Variants in KIF21A observed in about 807,000 individuals in gnomAD.
The protein encoded by KIF21A is kinesin family member 21A, also known as kinesin-like protein KIF21A.
A neutral mutation model predicts 202.9 loss-of-function variants in KIF21A; 114 were observed. The observed-to-expected ratio is 0.56, with a 90% CI of 0.48 to 0.66. The LOEUF (loss-of-function observed/expected upper bound fraction) is 0.66, where lower values mean the gene tolerates loss of function less well. Ranked by LOEUF, KIF21A falls within the 30% of genes least tolerant of loss-of-function variation. The probability of loss-of-function intolerance (pLI) is 0.00; values close to 1 mark genes in which losing one functional copy is unlikely to be tolerated. For synonymous variants in KIF21A, 667 were observed against 670.8 expected, an observed-to-expected ratio of 0.99 and a Z score of 0.09; for missense variants, 1,677 against 1,994.9, an observed-to-expected ratio of 0.84 and a Z score of 3.04.
At chr12:39,316,376 A>G (rs1944546030) in intron 29 of KIF21A, among the ~76,000 whole-genome samples, 1 of 152,096 alleles carries the variant, frequency 6.6e-6, no homozygotes, top group Non-Finnish European at 1.5e-5. Context: ...CTTGATAATT[A>G]TCACTTTAGA....
Position 39,330,234 on chromosome 12 carries a change from A to G in KIF21A, c.3340+8T>C, listed in dbSNP as rs1398020918. ...CTGTAGGATACACAGAAAGCTAAAC[A>G]TACTTACCTAATGGTACGCTATCTA... is the stretch of plus-strand genomic sequence containing the variant. On this transcript the variant is annotated splice_region_variant and intron_variant, in intron 24 of 37. Transcript: ENST00000361418. 1.9e-6 allele frequency: 3 copies of G among 1,610,656 alleles called. No individual in the cohort carries two copies. The South Asian group carries it at 3.3e-5, about 18-fold the overall frequency.
intron 10 of KIF21A, among the ~76,000 whole-genome samples, chr12:39,355,079 C>G (rs1197755192): frequency 6.6e-6 from 1 of 152,050 alleles, no homozygotes; most frequent in Non-Finnish European, 1.5e-5. Context: ...GTGGGACACA[C>G]CTAATTAAAG....
At chr12:39,361,801 C>A (rs1042474397) in intron 7 of KIF21A, among the ~76,000 whole-genome samples, 1 of 151,922 alleles carries the variant, frequency 6.6e-6, no homozygotes, top group African/African-American at 2.4e-5. Context: ...CCACTGCGCC[C>A]GGCCAAAACA....
At position 39,369,792 on chromosome 12, in the gene KIF21A, T is replaced by G. The variant is rs781230981; in HGVS notation, c.387A>C (p.Lys129Asn). ...KHLFKSIEEK[K>N]HIAIKNGLPA... ...GAAGCCCATTTTTAATTGCTATGTG[T>G]TTTTTTTCTTCAATACTCTTAAAAA... The change falls in exon 3 of 38, where the codon AAA (lysine) becomes AAC (asparagine). Residue 129 changes from lysine (K) to asparagine (N), a missense_variant. Coordinates refer to ENST00000361418, the MANE Select transcript of KIF21A (RefSeq NM_001173464.2). The G allele has an allele frequency of 8.1e-6, 13 of 1,612,072 alleles. No individual in the cohort carries two copies. Among genetic ancestry groups the G allele is most frequent in the Non-Finnish European group, 1.1e-5 (13 of 1,178,810 alleles).
At chr12:39,412,270 C>T (rs1240406648) in intron 1 of KIF21A, among the ~76,000 whole-genome samples, 1 of 152,118 alleles carries the variant, frequency 6.6e-6, no homozygotes, top group African/African-American at 2.4e-5. Flanking sequence ...CACATGGCAA[C>T]ATGATGTTTC....
intron 1 of KIF21A, among the ~76,000 whole-genome samples, chr12:39,386,059 A>C (rs1239774040): frequency 6.6e-6 from 1 of 152,090 alleles, no homozygotes; most frequent in Non-Finnish European, 1.5e-5. Context: ...TATGTATCCT[A>C]TGTTTTGTGG....
intron 10 of KIF21A, among the ~76,000 whole-genome samples, chr12:39,354,512 A>G (rs1054211585): frequency 2.6e-5 from 4 of 152,164 alleles, no homozygotes; most frequent in Non-Finnish European, 5.9e-5. Context: ...ATGCCCCAAA[A>G]AACACAAGGA....
At chr12:39,365,330 G>T (rs977007881) in intron 6 of KIF21A, among the ~76,000 whole-genome samples, 1 of 152,338 alleles carries the variant, frequency 6.6e-6, no homozygotes, top group South Asian at 2.1e-4. Context: ...TATCTGGGCA[G>T]CAGGCAAAAA....
chr12:39,373,574 G>C (rs901352982), intron 1 of KIF21A, among the ~76,000 whole-genome samples: 5 of 151,950 alleles, frequency 3.3e-5, no homozygotes, highest in African/African-American at 2.4e-5. Flanking sequence ...AATAATAAAC[G>C]CAACACTCTA....
intron 15 of KIF21A, 78 bp from the exon 16 acceptor site, chr12:39,340,442 C>G: frequency 1.8e-6 from 2 of 1,103,780 alleles, no homozygotes; most frequent in Non-Finnish European, 2.6e-6. Flanking sequence ...AGTCCATATC[C>G]TAAGAGAAGA....
chr12:39,329,751 T>A (rs1307072677), intron 24 of KIF21A, among the ~76,000 whole-genome samples: 1 of 152,134 alleles, frequency 6.6e-6, no homozygotes, highest in African/African-American at 2.4e-5. Context: ...TCAGGTAAAA[T>A]CCTTTGGATA....
At chr12:39,334,727 G>A (rs1946814456) in intron 17 of KIF21A, among the ~76,000 whole-genome samples, 1 of 152,102 alleles carries the variant, frequency 6.6e-6, no homozygotes, top group Non-Finnish European at 1.5e-5. Flanking sequence ...TTTAAAAGGA[G>A]GTCAATATGT....
intron 1 of KIF21A, among the ~76,000 whole-genome samples, chr12:39,377,739 T>C (rs902630014): frequency 2.0e-5 from 3 of 152,178 alleles, no homozygotes; most frequent in Non-Finnish European, 4.4e-5. Flanking sequence ...AAAGAGATTA[T>C]TAATTGAGTG....
chr12:39,337,774 A>G (rs1947104498), intron 16 of KIF21A, among the ~76,000 whole-genome samples: 1 of 152,204 alleles, frequency 6.6e-6, no homozygotes, highest in African/African-American at 2.4e-5. Flanking sequence ...GTTTCATAAG[A>G]TTATAGTGGA....
intron 37 of KIF21A, among the ~76,000 whole-genome samples, chr12:39,296,831 G>T (rs938661611): frequency 2.6e-5 from 4 of 152,222 alleles, no homozygotes; most frequent in Non-Finnish European, 1.5e-5. Flanking sequence ...ATCAAGTATG[G>T]ACTCAACTCT....
intron 37 of KIF21A, among the ~76,000 whole-genome samples, chr12:39,295,340 G>T (rs957674167): frequency 2.8e-4 from 43 of 152,138 alleles, no homozygotes; most frequent in African/African-American, 1.0e-3. Context: ...CATGGTTAAA[G>T]AAATGTTTCT....
At chr12:39,390,801 AT>A (rs1300481051) in intron 1 of KIF21A, among the ~76,000 whole-genome samples, 1 of 152,192 alleles carries the variant, frequency 6.6e-6, no homozygotes. Flanking sequence ...TATGCCAGTC[AT>A]TTTATATGCA....
chr12:39,374,025 G>A (rs1950120326), intron 1 of KIF21A, among the ~76,000 whole-genome samples: 1 of 152,090 alleles, frequency 6.6e-6, no homozygotes, highest in African/African-American at 2.4e-5. Flanking sequence ...CAGATTAATT[G>A]GAAGCTGACT....
chr12:39,397,798 A>G (rs1259396055), intron 1 of KIF21A, among the ~76,000 whole-genome samples: 1 of 152,222 alleles, frequency 6.6e-6, no homozygotes, highest in East Asian at 1.9e-4. Context: ...CTCTTCACAC[A>G]TGGCCATAGC....
Sources: allele counts gnomAD v4.1 joint callset (sites outside exome capture counted in the v4.1 genomes callset), GRCh38; gene constraint gnomAD v4.1.1; transcripts MANE v1.5; gene names NCBI Gene and HGNC (gene_info 2026-07-23, HGNC 2026-07-21).